Variants in ARHGEF1 observed in about 807,000 individuals in gnomAD.
The protein encoded by ARHGEF1 is Rho guanine nucleotide exchange factor 1, also known as 115 kDa guanine nucleotide exchange factor.
ARHGEF1 carries 40 observed loss-of-function variants against 119.7 expected under a neutral mutation model. That is an observed-to-expected ratio of 0.33 (90% CI 0.26 to 0.44). The LOEUF (loss-of-function observed/expected upper bound fraction) is 0.44, where lower values mean the gene tolerates loss of function less well. ARHGEF1 is among the 20% of genes least tolerant of loss of function. ARHGEF1 has a pLI of 1.00. For missense variants in ARHGEF1, 976 were observed against 1,268.3 expected (o/e 0.77, Z 3.50); for synonymous variants, 494 against 521.0 (o/e 0.95, Z 0.71).
chr19:41,915,240 TG>T, intron 18 of ARHGEF1, among the ~76,000 whole-genome samples: 1 of 148,056 alleles, frequency 6.8e-6, no homozygotes, highest in Admixed American at 6.8e-5. Flanking sequence ...CGAGGAGCCG[TG>T]GGATCGGCGC....
chr19:41,922,525 G>A (rs1483286278), upstream of ARHGEF1, among the ~76,000 whole-genome samples: 2 of 152,166 alleles, frequency 1.3e-5, no homozygotes, highest in Non-Finnish European at 2.9e-5. Context: ...TTAGAGAAAA[G>A]GAGGAACAGA....
downstream of ARHGEF1, chr19:41,909,455 G>A: frequency 1.6e-6 from 2 of 1,239,456 alleles, no homozygotes; most frequent in Non-Finnish European, 1.0e-6. This position sits in a 1 kb window ranked among gnomAD's most constrained non-coding sequence, Gnocchi z 5.2. Flanking sequence ...TGGAGAATCC[G>A]CTTGTTGTAG....
chr19:41,887,719 C>T (rs1033680444), intron 1 of ARHGEF1, among the ~76,000 whole-genome samples: 1 of 152,144 alleles, frequency 6.6e-6, no homozygotes, highest in Non-Finnish European at 1.5e-5. Context: ...AGGAATTAGC[C>T]CCCAGGCCCC....
At chr19:41,909,973 C>T, downstream of ARHGEF1, 1 of 1,613,922 alleles carries the variant, frequency 6.2e-7, no homozygotes, top group Non-Finnish European at 8.5e-7. The surrounding 1 kb of genome is among the most constrained non-coding windows in gnomAD (Gnocchi z 5.2). Context: ...CGTAGTCCCC[C>T]TGCCAGGCTA....
intron 1 of ARHGEF1, among the ~76,000 whole-genome samples, chr19:41,927,307 C>T (rs1430758742): frequency 6.6e-6 from 1 of 152,152 alleles, no homozygotes; most frequent in Admixed American, 6.5e-5. Context: ...GCCTGTACTC[C>T]TTGCCCCGAA....
In ARHGEF1 at chr19:41,887,999, TGTGA is replaced by T. The variant is rs1555845500; in HGVS notation, c.-19-62_-19-59del. 12 of 1,545,248 alleles carry T rather than the reference TGTGA, an allele frequency of 7.8e-6. No individual in the cohort carries two copies. The African/African-American group carries it at 1.7e-4, about 22-fold the overall frequency. The stretch of plus-strand genomic sequence containing the variant: ...CACCTTCACACCTGGGCCAGGAATC[TGTGA>T]GTAACCACCCTGGGCCGCCTCCTCC... On this transcript the variant is annotated intron_variant, in intron 1 of 28. Coordinates refer to ENST00000354532, the MANE Select transcript of ARHGEF1 (RefSeq NM_004706.4).
At chr19:41,921,489 GAA>G (rs2074841993), upstream of ARHGEF1, among the ~76,000 whole-genome samples, 3 of 151,980 alleles carry the variant, frequency 2.0e-5, no homozygotes, top group South Asian at 2.1e-4. The surrounding 1 kb of genome is among the most constrained non-coding windows in gnomAD (Gnocchi z 4.4). Context: ...CACGCAGAGA[GAA>G]GAGAGAGACA....
chr19:41,902,157 C>A lies in ARHGEF1; in HGVS notation c.1415-117C>A. The stretch of plus-strand genomic sequence containing the variant: ...ATGGGGTGGGGGCAGATACGCCATC[C>A]GGTCCCGAGGATCAGACACAGACAC... On this transcript the variant is annotated intron_variant, in intron 15 of 28. Coordinates refer to ENST00000354532, the MANE Select transcript of ARHGEF1 (RefSeq NM_004706.4). The surrounding 1 kb of genome is among the most constrained non-coding windows in gnomAD (Gnocchi z 6.5). The A allele has an allele frequency of 6.4e-7, 1 of 1,553,092 alleles. No homozygotes were observed. Among genetic ancestry groups the A allele is most frequent in the Non-Finnish European group, 8.8e-7 (1 of 1,137,302 alleles).
chr19:41,886,423 G>A (rs2074294718), intron 1 of ARHGEF1, among the ~76,000 whole-genome samples: 1 of 152,048 alleles, frequency 6.6e-6, no homozygotes, highest in Non-Finnish European at 1.5e-5. Flanking sequence ...CTCTGAGTGG[G>A]ATGAGCATGC....
rs199601441 is a variant in ARHGEF1 at position 41,902,780 on chromosome 19, G to A, written c.1624-4G>A. 396 of 1,613,066 alleles carry A rather than the reference G, an allele frequency of 2.5e-4. 1 individual carries two copies. The highest frequency in any genetic ancestry group is 3.2e-4 in the Non-Finnish European group (373 of 1,179,980). On this transcript the variant is annotated splice_polypyrimidine_tract_variant and splice_region_variant and intron_variant, in intron 17 of 28. Transcript: ENST00000354532. This position sits in a 1 kb window ranked among gnomAD's most constrained non-coding sequence, Gnocchi z 6.5. ...CCATCGCAACACCAGCATGTTTCCC[G>A]CAGGAAGCTGAGAGCCGCCCGCGGT... is the stretch of plus-strand genomic sequence containing the variant.
In ARHGEF1 at chr19:41,904,701, G is replaced by A. The variant is rs894047257; in HGVS notation, c.2162-248G>A. Among the ~76,000 whole-genome samples, 8 of 152,176 alleles carry A rather than the reference G, an allele frequency of 5.3e-5. No homozygotes were observed. The highest frequency in any genetic ancestry group is 3.3e-4 in the Admixed American group (5 of 15,282). On this transcript the variant is annotated intron_variant, in intron 22 of 28. Transcript: ENST00000354532. The surrounding 1 kb of genome is among the most constrained non-coding windows in gnomAD (Gnocchi z 8.4). ...CCACAAACACTGGAAGCGGCTGGAG[G>A]GTGGGAGTGGCTGGAGGGGTTTCGT...
chr19:41,917,355 C>CA lies in ARHGEF1; in HGVS notation c.1866-5737_1866-5736insA. On this transcript the variant is annotated intron_variant, in intron 18 of 20. Transcript: ENST00000599589. The surrounding 1 kb of genome is among the most constrained non-coding windows in gnomAD (Gnocchi z 4.8). ...GCCTCTGTCTCCTAACGCCCCATCA[C>CA]CACGCCCCCCTGGGCTGGGGTTTAA... is the stretch of plus-strand genomic sequence containing the variant. Among the ~76,000 whole-genome samples the CA allele has an allele frequency of 6.6e-6, 1 of 152,116 alleles. No individual in the cohort carries two copies. The highest frequency in any genetic ancestry group is 1.9e-4 in the East Asian group (1 of 5,166).
upstream of ARHGEF1, among the ~76,000 whole-genome samples, chr19:41,920,451 T>C (rs147044175): frequency 7.0e-6 from 1 of 143,648 alleles, no homozygotes; most frequent in Non-Finnish European, 1.5e-5. Context: ...CTCACAGACA[T>C]GACACGCCCA....
chr19:41,912,060 T>C (rs2074755565), downstream of ARHGEF1, among the ~76,000 whole-genome samples: 1 of 151,152 alleles, frequency 6.6e-6, no homozygotes, highest in East Asian at 1.9e-4. Flanking sequence ...CAAAGGCTCC[T>C]CACCCCACTC....
intron 1 of ARHGEF1, among the ~76,000 whole-genome samples, chr19:41,884,948 T>A (rs186964725): frequency 6.6e-6 from 1 of 152,234 alleles, no homozygotes; most frequent in African/African-American, 2.4e-5. Context: ...TTCCAACGAC[T>A]CTTTTAGGTT....
At chr19:41,926,701 G>T (rs964481296) in intron 1 of ARHGEF1, among the ~76,000 whole-genome samples, 1 of 150,692 alleles carries the variant, frequency 6.6e-6, no homozygotes, top group Non-Finnish European at 1.5e-5. Context: ...TCTGGGCCGC[G>T]GCGGCCGGCC....
Position 41,902,246 on chromosome 19 carries a change from G to A in ARHGEF1, c.1415-28G>A. On this transcript the variant is annotated intron_variant, in intron 15 of 28. Transcript: ENST00000354532. The surrounding 1 kb of genome is among the most constrained non-coding windows in gnomAD (Gnocchi z 6.5). The stretch of plus-strand genomic sequence containing the variant: ...GCACAGCATCTTCCAGACCCTGGTG[G>A]AGCATCCCTTTCCTCCTGCCCCCAC... 1 of 1,613,402 alleles carries A rather than the reference G, an allele frequency of 6.2e-7. No individual in the cohort carries two copies. Among genetic ancestry groups the A allele is most frequent in the Non-Finnish European group, 8.5e-7 (1 of 1,179,586 alleles).
Position 41,903,791 on chromosome 19 carries a change from C to G in ARHGEF1, c.1917+7C>G. The G allele has an allele frequency of 1.2e-6, 2 of 1,612,766 alleles. No homozygotes were observed. The highest frequency in any genetic ancestry group is 1.7e-6 in the Non-Finnish European group (2 of 1,179,834). On this transcript the variant is annotated splice_region_variant and intron_variant, in intron 20 of 28. Transcript: ENST00000354532. The surrounding 1 kb of genome is among the most constrained non-coding windows in gnomAD (Gnocchi z 4.2). The stretch of plus-strand genomic sequence containing the variant: ...TATGCTGAGCGAGTTCAAGGTGTGA[C>G]CATACCCTCCTGCCTCCCCCGCCCC...
chr19:41,896,402 G>A lies in ARHGEF1; in HGVS notation c.1041G>A (p.Gly347=), dbSNP rs782197212. 2 of 1,444,728 alleles carry A rather than the reference G, an allele frequency of 1.4e-6. No individual in the cohort carries two copies. The highest frequency in any genetic ancestry group is 9.1e-7 in the Non-Finnish European group (1 of 1,097,940). The allele number at this position is 1,444,728 out of a possible 1,614,324, so 89.5% of individuals were successfully genotyped here. A position where few individuals can be genotyped will look rare whatever the true frequency, so the allele number is the denominator to read the frequency against. ...EPGADAPLEL[G]DSSPQGPMSL... ...GTGCTGACGCCCCCCTGGAGCTGGGGGACTCATCCCCGCAGGGCCCAATGA... is the reference window on the plus strand; with the variant it reads ...GTGCTGACGCCCCCCTGGAGCTGGGAGACTCATCCCCGCAGGGCCCAATGA... Residue 347 remains glycine (G), a synonymous_variant, in exon 13 of 29, where the codon GGG becomes GGA. Transcript: ENST00000354532.
Sources: allele counts gnomAD v4.1 joint callset (sites outside exome capture counted in the v4.1 genomes callset), GRCh38; gene constraint gnomAD v4.1.1; non-coding constraint Gnocchi (gnomAD v3.1); transcripts MANE v1.5; gene names NCBI Gene and HGNC (gene_info 2026-07-23, HGNC 2026-07-21).